Variants in MYO10 observed in about 807,000 individuals in gnomAD.
MYO10 encodes the protein unconventional myosin-X.
Under a neutral mutation model 257.3 loss-of-function variants are expected in MYO10, and 133 were observed. The observed-to-expected ratio is 0.52, with a 90% CI of 0.45 to 0.60. The LOEUF (loss-of-function observed/expected upper bound fraction) is 0.60, where lower values mean the gene tolerates loss of function less well. Ranked by LOEUF, MYO10 falls within the 20% of genes least tolerant of loss-of-function variation. The pLI, the probability that MYO10 is intolerant of heterozygous loss-of-function variation, is 0.00. For synonymous variants in MYO10, 1,104 were observed against 1,028.6 expected, an observed-to-expected ratio of 1.07 and a Z score of -1.40; for missense variants, 2,399 against 2,635.7, an observed-to-expected ratio of 0.91 and a Z score of 1.97.
At chr5:16,769,249 T>G (rs554550571) in intron 9 of MYO10, 46 bp from the exon 10 acceptor site, 6 of 1,521,712 alleles carry the variant, frequency 3.9e-6, no homozygotes, top group Non-Finnish European at 5.3e-6. Context: ...TTTTTCACAC[T>G]GAAGAAAATG....
intron 2 of MYO10, among the ~76,000 whole-genome samples, chr5:16,854,941 G>A (rs1743918168): frequency 6.6e-6 from 1 of 151,940 alleles, no homozygotes; most frequent in African/African-American, 2.4e-5. Flanking sequence ...GCTGAGGCAG[G>A]AGAACTGCCA....
intron 2 of MYO10, among the ~76,000 whole-genome samples, chr5:16,827,438 C>T (rs1237293353): frequency 6.6e-6 from 1 of 152,110 alleles, no homozygotes; most frequent in Non-Finnish European, 1.5e-5. Flanking sequence ...AGGCAAGCAC[C>T]ACCAAGCCTG....
Position 16,794,820 on chromosome 5 carries a change from G to A in MYO10, c.293C>T (p.Ser98Phe). ...GTAGGGGTTCACGGAGGCCAGGATG[G>A]AGCCGATGTAGGTCTGCAAGCACAG... ...KRNQIYTYIG[S>F]ILASVNPYQP... Residue 98 changes from serine to phenylalanine, a missense_variant, in exon 4 of 41, where the codon TCC becomes TTC. Ser to Phe is a radical substitution (Grantham distance 155, BLOSUM62 -2). Around this residue, in one of 3 missense-constraint regions of MYO10, gnomAD observed 242 missense variants for 249.5 expected, o/e 0.97. Coordinates refer to ENST00000513610, the MANE Select transcript of MYO10 (RefSeq NM_012334.3). 1 of 1,549,908 alleles carries A rather than the reference G, an allele frequency of 6.5e-7. No individual in the cohort carries two copies. Among genetic ancestry groups the A allele is most frequent in the South Asian group, 1.2e-5 (1 of 82,684 alleles).
At chr5:16,800,477 G>A (rs1231123628) in intron 3 of MYO10, among the ~76,000 whole-genome samples, 1 of 152,180 alleles carries the variant, frequency 6.6e-6, no homozygotes. Context: ...GATTGTTCCC[G>A]TTTTGATGAG....
intron 38 of MYO10, 87 bp from the exon 39 acceptor site, chr5:16,671,065 G>A: frequency 8.0e-7 from 1 of 1,245,262 alleles, no homozygotes; most frequent in South Asian, 1.5e-5. Context: ...CTTCATGAGG[G>A]TTTCTCTCAA....
chr5:16,711,183 C>G lies in MYO10; in HGVS notation c.1992G>C (p.Glu664Asp), dbSNP rs1160254067. ...ACCCAGCTTTGCGGATTCTCACAGT[C>G]TCCAGCATCCCTGAGTACCGCAGCT... ...LNQLRYSGML[E>D]TVRIRKAGYA... The change falls in exon 20 of 41, where the codon GAG (glutamate) becomes GAC (aspartate). Residue 664 changes from glutamate (E) to aspartate (D), a missense_variant. Physicochemically the swap from Glu to Asp is conservative, Grantham distance 45. This residue lies in a region of MYO10 where 1,820 missense variants were observed against 1,939.4 expected (regional missense o/e 0.94). Coordinates refer to ENST00000513610, the MANE Select transcript of MYO10 (RefSeq NM_012334.3). The G allele has an allele frequency of 6.2e-7, 1 of 1,613,638 alleles. No individual in the cohort carries two copies. The highest frequency in any genetic ancestry group is 2.2e-5 in the East Asian group (1 of 44,868).
At chr5:16,885,866 C>T (rs1195578392) in intron 1 of MYO10, among the ~76,000 whole-genome samples, 2 of 152,060 alleles carry the variant, frequency 1.3e-5, no homozygotes, top group African/African-American at 4.8e-5. Flanking sequence ...AGACAGCCAC[C>T]CTCAGCAGGG....
chr5:16,774,964 G>C (rs1353758493), intron 9 of MYO10, among the ~76,000 whole-genome samples: 2 of 146,596 alleles, frequency 1.4e-5, no homozygotes, highest in Non-Finnish European at 3.0e-5. Context: ...AGGTCCATAT[G>C]GTCAGGAAAC....
intron 1 of MYO10, among the ~76,000 whole-genome samples, chr5:16,910,380 T>C (rs1229452524): frequency 2.0e-5 from 3 of 152,192 alleles, no homozygotes; most frequent in Admixed American, 1.3e-4. Flanking sequence ...TTGCCCAAGT[T>C]TGCACAGCTG....
chr5:16,915,251 G>C (rs1745782584), intron 1 of MYO10, among the ~76,000 whole-genome samples: 1 of 152,148 alleles, frequency 6.6e-6, no homozygotes, highest in African/African-American at 2.4e-5. Context: ...ACACAACTGG[G>C]TTCCAAGCCA....
At chr5:16,887,489 TTTA>T (rs909446953) in intron 1 of MYO10, among the ~76,000 whole-genome samples, 1 of 152,046 alleles carries the variant, frequency 6.6e-6, no homozygotes, top group Non-Finnish European at 1.5e-5. Context: ...AGTCCTGAGT[TTTA>T]TTATTATTAT....
rs113207628 is a variant in MYO10 at position 16,765,563 on chromosome 5, C to G, written c.1179+517G>C. Among the ~76,000 whole-genome samples the G allele has an allele frequency of 5.9e-5, 9 of 152,222 alleles. 1 individual carries two copies. The highest frequency in any genetic ancestry group is 2.1e-4 in the South Asian group (1 of 4,816). On this transcript the variant is annotated intron_variant, in intron 11 of 40. Coordinates refer to ENST00000513610, the MANE Select transcript of MYO10 (RefSeq NM_012334.3). Reference sequence around the variant, plus strand: ...AGCTAGCACATATACATTGGCTCAGCGCAGTAGCAGAGGCAAATATAAATA... The same window carrying G: ...AGCTAGCACATATACATTGGCTCAGGGCAGTAGCAGAGGCAAATATAAATA...
intron 19 of MYO10, among the ~76,000 whole-genome samples, chr5:16,717,277 A>T (rs1738914921): frequency 6.6e-6 from 1 of 152,262 alleles, no homozygotes; most frequent in Non-Finnish European, 1.5e-5. Flanking sequence ...AAAACTGGGA[A>T]ATATTACCAT....
In MYO10 at chr5:16,847,411, G is replaced by A. The variant is rs187651422; in HGVS notation, c.121-29244C>T. ...TGTACTCCAGCCTGGGCAACAGAGC[G>A]AGACTCCACCTCAAAAAAAAAAAAA... On this transcript the variant is annotated intron_variant, in intron 2 of 40. Transcript: ENST00000513610. 7.8e-3 allele frequency among the ~76,000 whole-genome samples: 1,110 copies of A among 141,922 alleles called. 11 individuals are homozygous for A. Among genetic ancestry groups the A allele is most frequent in the Middle Eastern group, 0.025 (7 of 282 alleles). The allele number at this position is 141,922 out of a possible 152,430, so 93.1% of individuals were successfully genotyped here.
At position 16,788,163 on chromosome 5, in the gene MYO10, G is replaced by T. The variant is rs574308286; in HGVS notation, c.468-4694C>A. On this transcript the variant is annotated intron_variant, in intron 4 of 40. Coordinates refer to ENST00000513610, the MANE Select transcript of MYO10 (RefSeq NM_012334.3). ...AGAGAAGAATCAGGGAGACCAAAAA[G>T]GTGATGCGGGAAGGGCCGCGGGGGC... is the stretch of plus-strand genomic sequence containing the variant. Among the ~76,000 whole-genome samples the T allele has an allele frequency of 2.0e-5, 3 of 152,272 alleles. No homozygotes were observed. The South Asian group carries it at 6.2e-4, about 32-fold the overall frequency.
intron 3 of MYO10, among the ~76,000 whole-genome samples, chr5:16,804,627 C>T (rs534501808): frequency 6.6e-6 from 1 of 152,302 alleles, no homozygotes; most frequent in South Asian, 2.1e-4. Context: ...AATCCCAGCA[C>T]TTTGGGAAGC....
At chr5:16,740,614 C>A (rs1184745763) in intron 19 of MYO10, among the ~76,000 whole-genome samples, 1 of 152,114 alleles carries the variant, frequency 6.6e-6, no homozygotes, top group Non-Finnish European at 1.5e-5. Context: ...ACCACCTTCC[C>A]GTACATATCC....
At chr5:16,710,267 A>G (rs1738537211) in intron 21 of MYO10, among the ~76,000 whole-genome samples, 1 of 152,132 alleles carries the variant, frequency 6.6e-6, no homozygotes, top group Non-Finnish European at 1.5e-5. Flanking sequence ...TGGAAGCCAA[A>G]CGAGGTTCTT....
intron 19 of MYO10, among the ~76,000 whole-genome samples, chr5:16,723,036 T>C (rs1208421560): frequency 6.6e-6 from 1 of 152,152 alleles, no homozygotes; most frequent in East Asian, 1.9e-4. Flanking sequence ...CCAAAGAAGA[T>C]AGGCTAATAA....
Sources: gnomAD v4.1 joint callset for allele counts (sites outside exome capture counted in the v4.1 genomes callset) on GRCh38, gnomAD v4.1.1 for gene constraint, gnomAD v4.1.1 regional missense constraint, MANE v1.5 for transcripts, NCBI Gene and HGNC (gene_info 2026-07-23, HGNC 2026-07-21) for gene names.